TBPL1: variants seen among roughly 807,000 people sequenced by gnomAD.
TBPL1 encodes TATA box-binding protein-like 1.
In TBPL1, 4 loss-of-function variants were observed where a neutral mutation model predicts 22.1. The observed-to-expected ratio is 0.18, with a 90% CI of 0.09 to 0.41. The LOEUF is 0.41. Ranked by LOEUF, TBPL1 falls within the 10% of genes least tolerant of loss-of-function variation. The pLI is 1.00. For missense variants in TBPL1, 115 were observed against 222.3 expected, an observed-to-expected ratio of 0.52 and a Z score of 3.07; for synonymous variants, 64 against 71.0, an observed-to-expected ratio of 0.90 and a Z score of 0.50.
chr6:133,953,189 T>C (rs907462822), upstream of TBPL1: 1 of 152,668 alleles, frequency 6.6e-6, no homozygotes, highest in African/African-American at 2.4e-5. Flanking sequence ...CCCCAGCGTC[T>C]AGTCTATTTA....
chr6:133,984,634 A>G lies in TBPL1; in HGVS notation c.444A>G (p.Thr148=), dbSNP rs758449561. Residue 148 remains threonine (T), a synonymous_variant, in exon 6 of 7, where the codon ACA becomes ACG. Coordinates refer to ENST00000237264, the MANE Select transcript of TBPL1 (RefSeq NM_004865.4). ...ATCGGATAAAATCTCTAAGAGCTAC[A>G]TTACAGATTTTTTCAACAGGAAGTA... The part of the protein sequence containing the change: ...VCYRIKSLRA[T]LQIFSTGSIT... 6.2e-7 allele frequency: 1 copy of G among 1,612,864 alleles called. No homozygotes were observed. The highest frequency in any genetic ancestry group is 2.2e-5 in the East Asian group (1 of 44,838).
rs201530971 is a variant in TBPL1, at chr6:133,982,551, A to AT, written c.136-9dup. The AT allele has an allele frequency of 0.027, 43,389 of 1,602,878 alleles. 756 individuals are homozygous for AT. Among genetic ancestry groups the AT allele is most frequent in the Middle Eastern group, 0.094 (562 of 5,984 alleles). On this transcript the variant is annotated splice_polypyrimidine_tract_variant and intron_variant, in intron 2 of 6. Coordinates refer to ENST00000237264, the MANE Select transcript of TBPL1 (RefSeq NM_004865.4). ...AAAATAATGCTTATGAGGTAATCAG[A>AT]TTTTTTTTCCCCCCAGAAAGTATTA...
intron 1 of TBPL1, among the ~76,000 whole-genome samples, chr6:133,955,993 G>C (rs547569757): frequency 6.6e-6 from 1 of 152,278 alleles, no homozygotes; most frequent in Admixed American, 6.5e-5. Flanking sequence ...TGTTTTTGGA[G>C]AGAGTTATTT....
intron 6 of TBPL1, among the ~76,000 whole-genome samples, 151 bp from the exon 7 acceptor site, chr6:133,986,808 CTA>C (rs1184737809): frequency 2.0e-5 from 3 of 152,054 alleles, no homozygotes; most frequent in Non-Finnish European, 4.4e-5. Flanking sequence ...CTTATTATGG[CTA>C]TGTGTATAAT....
Position 133,978,507 on chromosome 6 carries a change from C to T in TBPL1, c.-44-1575C>T, listed in dbSNP as rs1281508684. On this transcript the variant is annotated intron_variant, in intron 1 of 6. Coordinates refer to ENST00000237264, the MANE Select transcript of TBPL1 (RefSeq NM_004865.4). ...TGGCCCTGTGCCTCTGCTTTTTAATCTGTCTGCTTATATATCTATCCATCA... is the reference window on the plus strand; with the variant it reads ...TGGCCCTGTGCCTCTGCTTTTTAATTTGTCTGCTTATATATCTATCCATCA... Among the ~76,000 whole-genome samples the T allele has an allele frequency of 2.6e-5, 4 of 152,296 alleles. No individual in the cohort carries two copies. In the East Asian group the frequency reaches 7.7e-4, roughly 29 times the overall value.
At chr6:133,983,663 G>C (rs1776455846) in intron 4 of TBPL1, among the ~76,000 whole-genome samples, 2 of 152,138 alleles carry the variant, frequency 1.3e-5, no homozygotes, top group African/African-American at 2.4e-5. Flanking sequence ...CAACTGCTGT[G>C]TGCAAGGCTG....
chr6:133,976,974 A>AAAAAAAAAG (rs957131695), intron 1 of TBPL1, among the ~76,000 whole-genome samples: 1 of 149,404 alleles, frequency 6.7e-6, no homozygotes, highest in Non-Finnish European at 1.5e-5. Flanking sequence ...TCTCAAAAAA[A>AAAAAAAAAG]AAAAAAAAGA....
At chr6:133,985,673 A>G in intron 6 of TBPL1, among the ~76,000 whole-genome samples, 1 of 152,134 alleles carries the variant, frequency 6.6e-6, no homozygotes, top group East Asian at 1.9e-4. Flanking sequence ...AGAATTAAAG[A>G]AAATGTCTTT....
At chr6:133,981,347 T>G (rs1776410143) in intron 2 of TBPL1, among the ~76,000 whole-genome samples, 8 of 152,212 alleles carry the variant, frequency 5.3e-5, no homozygotes, top group Admixed American at 5.2e-4. Context: ...TCACAAAGAT[T>G]TTCAAGTTTG....
chr6:133,981,270 C>T (rs757662986), intron 2 of TBPL1, among the ~76,000 whole-genome samples: 10 of 151,986 alleles, frequency 6.6e-5, no homozygotes, highest in Admixed American at 3.3e-4. Flanking sequence ...CGTGCCTGGC[C>T]GTCATTAATT....
chr6:133,979,895 C>G (rs1379937009), intron 1 of TBPL1, among the ~76,000 whole-genome samples, 187 bp from the exon 2 acceptor site: 1 of 152,146 alleles, frequency 6.6e-6, no homozygotes, highest in Non-Finnish European at 1.5e-5. Flanking sequence ...GATCCAACCA[C>G]CTTGGCCTCC....
At chr6:133,963,060 A>G (rs547569840) in intron 1 of TBPL1, among the ~76,000 whole-genome samples, 1 of 152,322 alleles carries the variant, frequency 6.6e-6, no homozygotes, top group Non-Finnish European at 1.5e-5. Flanking sequence ...GAATTCAGCA[A>G]TGAGCCATTC....
chr6:133,969,251 CTT>C (rs536421364), intron 1 of TBPL1, among the ~76,000 whole-genome samples: 15,213 of 122,012 alleles, frequency 0.12, 1,012 homozygotes, highest in African/African-American at 0.24. Context: ...ATAAAATACA[CTT>C]TTTTTTTTTT....
intron 4 of TBPL1, among the ~76,000 whole-genome samples, chr6:133,983,086 C>T (rs1397435073): frequency 1.3e-5 from 2 of 152,142 alleles, no homozygotes; most frequent in Non-Finnish European, 2.9e-5. Flanking sequence ...AGCTTTTTCC[C>T]TAATTCCTTT....
chr6:133,980,706 A>T (rs893034510), intron 2 of TBPL1, among the ~76,000 whole-genome samples: 7 of 151,582 alleles, frequency 4.6e-5, no homozygotes, highest in African/African-American at 1.7e-4. Flanking sequence ...TTATATCTTA[A>T]CCTGGACATC....
At chr6:133,974,989 A>C (rs1776289136) in intron 1 of TBPL1, among the ~76,000 whole-genome samples, 1 of 152,202 alleles carries the variant, frequency 6.6e-6, no homozygotes, top group Admixed American at 6.5e-5. Context: ...AAATGTTTAT[A>C]CAAGAAAAGA....
At chr6:133,974,131 C>T (rs567418407) in intron 1 of TBPL1, among the ~76,000 whole-genome samples, 7 of 151,888 alleles carry the variant, frequency 4.6e-5, no homozygotes, top group Admixed American at 1.3e-4. Flanking sequence ...CATAATTAGA[C>T]ATATAATTTT....
chr6:133,974,363 T>C (rs979022161), intron 1 of TBPL1, among the ~76,000 whole-genome samples: 2 of 152,228 alleles, frequency 1.3e-5, no homozygotes, highest in Non-Finnish European at 2.9e-5. Context: ...AGATGGAGTC[T>C]TGCTCTGTCA....
Position 133,980,770 on chromosome 6 carries a change from A to G in TBPL1, c.135+510A>G, listed in dbSNP as rs187680319. Among the ~76,000 whole-genome samples the G allele has an allele frequency of 7.4e-3, 1,121 of 151,890 alleles. 17 individuals are homozygous for G. The highest frequency in any genetic ancestry group is 0.025 in the African/African-American group (1,052 of 41,504). ...ATATTTTAAAGCCTGAATATTAATA[A>G]GTAATAATAAAACCTTAGTGTTTTG... On this transcript the variant is annotated intron_variant, in intron 2 of 6. Coordinates refer to ENST00000237264, the MANE Select transcript of TBPL1 (RefSeq NM_004865.4).
Sources: gnomAD v4.1 joint callset for allele counts (sites outside exome capture counted in the v4.1 genomes callset) on GRCh38, gnomAD v4.1.1 for gene constraint, MANE v1.5 for transcripts, NCBI Gene and HGNC (gene_info 2026-07-23, HGNC 2026-07-21) for gene names.